Variants in COL20A1 observed in about 807,000 individuals in gnomAD.
COL20A1 encodes collagen alpha-1(XX) chain.
Under a neutral mutation model 152.9 loss-of-function variants are expected in COL20A1, and 164 were observed. That is an observed-to-expected ratio of 1.07 (90% confidence interval 0.94 to 1.22). COL20A1 has a LOEUF of 1.22. COL20A1 is among the 50% of genes most tolerant of loss of function. COL20A1 has a pLI of 0.00. For synonymous variants in COL20A1, 864 were observed against 756.0 expected (o/e 1.14, Z -2.34); for missense variants, 1,873 against 1,744.8 (o/e 1.07, Z -1.31).
chr20:63,317,341 C>T (rs889240224), intron 21 of COL20A1, among the ~76,000 whole-genome samples: 12 of 151,806 alleles, frequency 7.9e-5, no homozygotes, highest in African/African-American at 2.9e-4. Flanking sequence ...TGGCAGGCAC[C>T]TGTATTCCCA....
At chr20:63,309,586 C>T in intron 9 of COL20A1, 89 bp downstream of exon 9, 18 of 1,333,804 alleles carry the variant, frequency 1.3e-5, no homozygotes, top group Non-Finnish European at 1.8e-5. Context: ...CCGTGTGGTA[C>T]CTGAGGCCGG....
rs759624772 is a variant in COL20A1 at position 63,316,684 on chromosome 20, C to T, written c.2656C>T (p.Arg886Trp). 32 of 1,561,886 alleles carry T rather than the reference C, an allele frequency of 2.0e-5. No homozygotes were observed. The highest frequency in any genetic ancestry group is 4.7e-5 in the South Asian group (4 of 84,698). The change falls in exon 21 of 36, where the codon CGG (arginine) becomes TGG (tryptophan). Residue 886 changes from arginine to tryptophan, a missense_variant. By Grantham distance (101) the Arg-to-Trp change is moderately radical. Transcript: ENST00000358894. ...TLFKDAQLTRRVSDVYPAPLP... is the reference protein window; with the variant it reads ...TLFKDAQLTRWVSDVYPAPLP... ...CTTCAAGGACGCCCAGCTGACAAGA[C>T]GGGTCAGGTGTGAGGGCAAGGGCTG...
In COL20A1 at chr20:63,307,512, G is replaced by A. The variant is rs1568769805; in HGVS notation, c.519G>A (p.Leu173=). Residue 173 remains leucine (L), a synonymous_variant, in exon 6 of 36, where the codon CTG becomes CTA. Coordinates refer to ENST00000358894, the MANE Select transcript of COL20A1 (RefSeq NM_020882.4). ...RTPAGPQFRC[L]PPVPADMVFL... Reference sequence around the variant, plus strand: ...CAGCCGGCCCCCAGTTCCGCTGCCTGCCCCCCGTGCCTGCTGACATGGTCT... The same window carrying A: ...CAGCCGGCCCCCAGTTCCGCTGCCTACCCCCCGTGCCTGCTGACATGGTCT... 4 of 1,612,106 alleles carry A rather than the reference G, an allele frequency of 2.5e-6. No homozygotes were observed. Among genetic ancestry groups the A allele is most frequent in the South Asian group, 2.2e-5 (2 of 91,060 alleles).
rs1454886482 is a variant in COL20A1, at chr20:63,309,985, G to A, written c.1263+70G>A. ...GTAGTGAGATCTGATAAGCCAAAGG[G>A]AGGGCAGGAATAAAGGCCCACAAAT... On this transcript the variant is annotated intron_variant, in intron 10 of 35. Coordinates refer to ENST00000358894, the MANE Select transcript of COL20A1 (RefSeq NM_020882.4). 1.9e-5 allele frequency: 26 copies of A among 1,381,416 alleles called. No homozygotes were observed. The Admixed American group carries it at 5.5e-4, about 29-fold the overall frequency. The allele number at this position is 1,381,416 out of a possible 1,614,324, so 85.6% of individuals were successfully genotyped here.
At chr20:63,314,575 C>T (rs1483259089) in intron 19 of COL20A1, among the ~76,000 whole-genome samples, 3 of 152,188 alleles carry the variant, frequency 2.0e-5, no homozygotes, top group African/African-American at 7.2e-5. Flanking sequence ...TGGGGTCTTC[C>T]AGTCTTGGCT....
Position 63,319,065 on chromosome 20 carries a change from T to G in COL20A1, c.2671T>G (p.Tyr891Asp). 1 of 1,542,488 alleles carries G rather than the reference T, an allele frequency of 6.5e-7. No individual in the cohort carries two copies. The highest frequency in any genetic ancestry group is 8.9e-7 in the Non-Finnish European group (1 of 1,117,348). Residue 891 changes from tyrosine to aspartate, a missense_variant, in exon 22 of 36, where the codon TAC becomes GAC. Coordinates refer to ENST00000358894, the MANE Select transcript of COL20A1 (RefSeq NM_020882.4). The surrounding 1 kb of genome is among the most constrained non-coding windows in gnomAD (Gnocchi z 4.4). Reference protein sequence around the residue: ...AQLTRRVSDVYPAPLPPEHTI... With the variant: ...AQLTRRVSDVDPAPLPPEHTI... ...CTCCCCCAACCCCCACAGTGACGTC[T>G]ACCCAGCCCCCCTACCTCCAGAGCA...
intron 3 of COL20A1, among the ~76,000 whole-genome samples, chr20:63,300,433 A>C (rs2123377439): frequency 6.6e-6 from 1 of 152,208 alleles, no homozygotes; most frequent in Admixed American, 6.5e-5. Flanking sequence ...TTTTTTGGTC[A>C]GTTTTGGTAA....
At chr20:63,295,679 T>C (rs1279719580) in intron 2 of COL20A1, among the ~76,000 whole-genome samples, 1 of 152,210 alleles carries the variant, frequency 6.6e-6, no homozygotes, top group Non-Finnish European at 1.5e-5. Flanking sequence ...TGGCTGCTAC[T>C]GGTTGGGGCG....
chr20:63,308,479 C>T, intron 7 of COL20A1, 63 bp from the exon 8 acceptor site: 1 of 1,431,660 alleles, frequency 7.0e-7, no homozygotes. Flanking sequence ...CCGGTTGCTG[C>T]CAGCCGAGCA....
chr20:63,326,086 T>G lies in COL20A1; in HGVS notation c.3403-10T>G. 1 of 1,612,498 alleles carries G rather than the reference T, an allele frequency of 6.2e-7. No individual in the cohort carries two copies. The highest frequency in any genetic ancestry group is 1.3e-5 in the African/African-American group (1 of 74,982). On this transcript the variant is annotated splice_polypyrimidine_tract_variant and intron_variant, in intron 29 of 35. Transcript: ENST00000358894. ...AACCCCACCCAGCTTGCGCCTTCCT[T>G]TGCCATCAGGGAATGAGAGGCCTGG...
At chr20:63,312,272 C>T (rs1479171454) in intron 14 of COL20A1, 148 bp from the exon 15 acceptor site, 2 of 1,119,774 alleles carry the variant, frequency 1.8e-6, no homozygotes, top group Non-Finnish European at 2.4e-6. Flanking sequence ...GTTCTGTTGC[C>T]CTCCCATCCC....
chr20:63,300,143 T>C (rs962499665), intron 3 of COL20A1, among the ~76,000 whole-genome samples: 52 of 152,238 alleles, frequency 3.4e-4, no homozygotes, highest in African/African-American at 1.3e-3. Flanking sequence ...TTTATACTTA[T>C]ATTCATGAGG....
intron 30 of COL20A1, 87 bp from the exon 31 acceptor site, chr20:63,326,665 G>T (rs1005886656): frequency 2.2e-6 from 2 of 904,100 alleles, no homozygotes; most frequent in East Asian, 3.3e-5. Flanking sequence ...AGGTCAGGGG[G>T]CCCCTGGGAC....
At chr20:63,301,409 G>T (rs1008017739) in intron 3 of COL20A1, among the ~76,000 whole-genome samples, 1 of 152,176 alleles carries the variant, frequency 6.6e-6, no homozygotes, top group Admixed American at 6.5e-5. Flanking sequence ...CAGTTGTTGG[G>T]TAGAGTTTTC....
In COL20A1 at chr20:63,325,423, C is replaced by A. The variant is rs199605490; in HGVS notation, c.3295-18C>A. 6 of 1,604,274 alleles carry A rather than the reference C, an allele frequency of 3.7e-6. No individual in the cohort carries two copies. The highest frequency in any genetic ancestry group is 5.1e-6 in the Non-Finnish European group (6 of 1,171,810). ...GTGCCCCCTCCGCTTCGCTGTCCAG[C>A]CCATCTTCCCCCTCCAGGGTCCACC... On this transcript the variant is annotated intron_variant, in intron 27 of 35. Coordinates refer to ENST00000358894, the MANE Select transcript of COL20A1 (RefSeq NM_020882.4).
chr20:63,324,035 T>C (rs1197774883), intron 27 of COL20A1, among the ~76,000 whole-genome samples: 2 of 152,250 alleles, frequency 1.3e-5, no homozygotes, highest in Non-Finnish European at 2.9e-5. Context: ...CTCAGTACAG[T>C]GTGGGGATGG....
Position 63,305,472 on chromosome 20 carries a change from G to A in COL20A1, c.249G>A (p.Gly83=). The A allele has an allele frequency of 5.0e-6, 8 of 1,603,802 alleles. No individual in the cohort carries two copies. The highest frequency in any genetic ancestry group is 6.8e-6 in the Non-Finnish European group (8 of 1,175,874). Reference sequence around the variant, plus strand: ...CCAAGACCCCTAAGGCCACAGTGGGGGGCCTGAGCCCCTCCAAGGGCTACA... The same window carrying A: ...CCAAGACCCCTAAGGCCACAGTGGGAGGCCTGAGCCCCTCCAAGGGCTACA... ...LTTKTPKATV[G]GLSPSKGYTL... The change falls in exon 4 of 36, where the codon GGG becomes GGA. Residue 83 remains glycine (G), a synonymous_variant. Coordinates refer to ENST00000358894, the MANE Select transcript of COL20A1 (RefSeq NM_020882.4). This position sits in a 1 kb window ranked among gnomAD's most constrained non-coding sequence, Gnocchi z 4.9.
Position 63,319,555 on chromosome 20 carries a change from C to T in COL20A1, c.2875C>T (p.Pro959Ser), listed in dbSNP as rs969212968. Residue 959 changes from proline (P) to serine (S), a missense_variant, in exon 23 of 36, where the codon CCG becomes TCG. Pro to Ser is a moderately conservative substitution (Grantham distance 74). Coordinates refer to ENST00000358894, the MANE Select transcript of COL20A1 (RefSeq NM_020882.4). The surrounding 1 kb of genome is among the most constrained non-coding windows in gnomAD (Gnocchi z 4.4). Reference sequence around the variant, plus strand: ...TGCCTTGCAGGAGGCCACCTTCGACCCGCAGGAAGTGAGGAAGATTTTCTT... The same window carrying T: ...TGCCTTGCAGGAGGCCACCTTCGACTCGCAGGAAGTGAGGAAGATTTTCTT... ...RAALQEATFDPQEVRKIFFGS... is the reference protein window; with the variant it reads ...RAALQEATFDSQEVRKIFFGS... The T allele has an allele frequency of 6.3e-7, 1 of 1,597,344 alleles. No homozygotes were observed. The highest frequency in any genetic ancestry group is 1.3e-5 in the African/African-American group (1 of 74,500).
At chr20:63,302,320 T>TATTA (rs895475357) in intron 3 of COL20A1, among the ~76,000 whole-genome samples, 2 of 152,308 alleles carry the variant, frequency 1.3e-5, no homozygotes, top group East Asian at 3.9e-4. Flanking sequence ...GCATGTCTTT[T>TATTA]ATTAATTAAT....
Sources: gnomAD v4.1 joint callset for allele counts (sites outside exome capture counted in the v4.1 genomes callset) on GRCh38, gnomAD v4.1.1 for gene constraint, Gnocchi (gnomAD v3.1) non-coding constraint, MANE v1.5 for transcripts, NCBI Gene and HGNC (gene_info 2026-07-23, HGNC 2026-07-21) for gene names.